CTBP2: variants seen among roughly 807,000 people sequenced by gnomAD.
CTBP2 encodes the protein C-terminal-binding protein 2.
In CTBP2, 30 loss-of-function variants were observed where a neutral mutation model predicts 80.3. The observed-to-expected ratio is 0.37, with a 90% CI of 0.28 to 0.51. The LOEUF (loss-of-function observed/expected upper bound fraction) is 0.51, where lower values mean the gene tolerates loss of function less well. Ranked by LOEUF, CTBP2 falls within the 20% of genes least tolerant of loss-of-function variation. CTBP2 has a pLI of 0.93. For synonymous variants in CTBP2, 594 were observed against 587.4 expected, an observed-to-expected ratio of 1.01 and a Z score of -0.16; for missense variants, 1,212 against 1,375.3, an observed-to-expected ratio of 0.88 and a Z score of 1.88.
chr10:124,992,262 G>GTCTCACT (rs1952769149), intron 8 of CTBP2, among the ~76,000 whole-genome samples: 1 of 114,442 alleles, frequency 8.7e-6, no homozygotes, highest in African/African-American at 3.3e-5. Context: ...TAGCAGCATT[G>GTCTCACT]TCTCACTCTG....
rs751997004 is a variant in CTBP2, at chr10:124,985,377, C to T, written c.*4141G>A. 1 of 165,484 alleles carries T rather than the reference C, an allele frequency of 6.0e-6. No individual in the cohort carries two copies. 10.3% of individuals were successfully genotyped at this position (165,484 alleles called of 1,614,324 possible). Reference sequence around the variant, plus strand: ...ATGGGCACTTAGAAAAAGCACATGGCAAATGGCTCTTTGTTCCTTTCAGAT... The same window carrying T: ...ATGGGCACTTAGAAAAAGCACATGGTAAATGGCTCTTTGTTCCTTTCAGAT... On this transcript the variant is annotated 3_prime_UTR_variant, in exon 9 of 9. Coordinates refer to ENST00000309035, the MANE Select transcript of CTBP2 (RefSeq NM_022802.3).
Position 125,025,856 on chromosome 10 carries a change from C to G in CTBP2, c.1678+226G>C, listed in dbSNP as rs376445837. ...CATCAACCCGACCTCAACTAAAGAA[C>G]AGGAGGGCACTGCTGCCCCAGCAGA... On this transcript the variant is annotated intron_variant, in intron 1 of 8. Coordinates refer to ENST00000309035, the MANE Select transcript of CTBP2 (RefSeq NM_022802.3). Among the ~76,000 whole-genome samples, 6 of 152,338 alleles carry G rather than the reference C, an allele frequency of 3.9e-5. No homozygotes were observed. The South Asian group carries it at 6.2e-4, about 16-fold the overall frequency.
chr10:125,015,080 C>T (rs995332719), intron 1 of CTBP2, among the ~76,000 whole-genome samples: 2 of 152,210 alleles, frequency 1.3e-5, no homozygotes, highest in African/African-American at 2.4e-5. Flanking sequence ...CTCCACGTTC[C>T]TCGACATTAG....
intron 1 of CTBP2, among the ~76,000 whole-genome samples, chr10:125,126,117 G>A (rs147366166): frequency 6.6e-6 from 1 of 152,306 alleles, no homozygotes; most frequent in East Asian, 1.9e-4. Context: ...GTGCAGCGGT[G>A]GCCTGGGAGA....
upstream of CTBP2, chr10:125,161,007 C>T (rs1174596915): frequency 6.8e-6 from 1 of 146,220 alleles, no homozygotes; most frequent in Non-Finnish European, 1.5e-5. Flanking sequence ...GCTGGCTGCG[C>T]AGGAGCTAGG....
intron 2 of CTBP2, among the ~76,000 whole-genome samples, chr10:125,051,465 C>A (rs939673448): frequency 6.6e-6 from 1 of 152,132 alleles, no homozygotes; most frequent in African/African-American, 2.4e-5. Flanking sequence ...CATGGCAAAA[C>A]CCCATCTCTA....
upstream of CTBP2, among the ~76,000 whole-genome samples, chr10:125,028,902 G>A (rs899700749): frequency 4.6e-5 from 7 of 152,204 alleles, no homozygotes; most frequent in African/African-American, 1.7e-4. Flanking sequence ...ATAATGCAAA[G>A]AACAGCAGTT....
At chr10:125,147,079 G>T (rs529788115) in intron 1 of CTBP2, among the ~76,000 whole-genome samples, 1 of 152,198 alleles carries the variant, frequency 6.6e-6, no homozygotes, top group Non-Finnish European at 1.5e-5. Flanking sequence ...TCACTGACCG[G>T]CAAACGCACC....
At position 125,027,955 on chromosome 10, in the gene CTBP2, C is replaced by CA; in HGVS notation, c.-197dup. The CA allele has an allele frequency of 1.4e-6, 2 of 1,394,714 alleles. No homozygotes were observed. Among genetic ancestry groups the CA allele is most frequent in the Non-Finnish European group, 9.3e-7 (1 of 1,075,492 alleles). The allele number at this position is 1,394,714 out of a possible 1,614,324, so 86.4% of individuals were successfully genotyped here. On this transcript the variant is annotated 5_prime_UTR_variant, in exon 1 of 9. Coordinates refer to ENST00000309035, the MANE Select transcript of CTBP2 (RefSeq NM_022802.3). ...ACCTTAGCAGACAAAACATAAGACT[C>CA]ACGGTAACTTTGCCTCACTCCCCAA...
chr10:124,991,634 A>G (rs1375548026), intron 8 of CTBP2, among the ~76,000 whole-genome samples: 4 of 152,110 alleles, frequency 2.6e-5, no homozygotes, highest in Admixed American at 2.0e-4. Context: ...ATTCTCAATC[A>G]TCATGAGTGG....
upstream of CTBP2, among the ~76,000 whole-genome samples, chr10:125,030,092 G>GT (rs1380667092): frequency 6.6e-6 from 1 of 151,820 alleles, no homozygotes; most frequent in East Asian, 1.9e-4. Context: ...CCTGCGCTAG[G>GT]TAAAAACACC....
intron 7 of CTBP2, among the ~76,000 whole-genome samples, 179 bp downstream of exon 9, chr10:124,993,023 G>T (rs950517351): frequency 2.0e-5 from 3 of 152,190 alleles, no homozygotes; most frequent in African/African-American, 7.2e-5. Context: ...AAAGGGAATG[G>T]TTCCCTCTGT....
intron 1 of CTBP2, among the ~76,000 whole-genome samples, chr10:125,131,082 T>C (rs1368466882): frequency 6.6e-6 from 1 of 152,126 alleles, no homozygotes; most frequent in Non-Finnish European, 1.5e-5. Flanking sequence ...GCAGATGAGA[T>C]GGCAGGGAAG....
intron 2 of CTBP2, among the ~76,000 whole-genome samples, chr10:125,092,831 T>C (rs768567011): frequency 1.3e-5 from 2 of 152,116 alleles, no homozygotes; most frequent in Non-Finnish European, 2.9e-5. Flanking sequence ...CATGCCCAGT[T>C]ACCACATGAG....
intron 2 of CTBP2, among the ~76,000 whole-genome samples, chr10:125,084,329 C>A (rs3889986): frequency 0.064 from 9,702 of 152,204 alleles, 699 homozygotes; most frequent in East Asian, 0.3. Context: ...AGAAGCTGCA[C>A]GGAGAACGGT....
chr10:124,992,988 C>A (rs1166626763), intron 7 of CTBP2, among the ~76,000 whole-genome samples, 176 bp from the exon 10 acceptor site: 1 of 152,194 alleles, frequency 6.6e-6, no homozygotes, highest in African/African-American at 2.4e-5. Flanking sequence ...GCCCCCCGAC[C>A]CCCGAGTTTA....
At chr10:125,101,430 G>T (rs775554093) in intron 2 of CTBP2, among the ~76,000 whole-genome samples, 1 of 152,204 alleles carries the variant, frequency 6.6e-6, no homozygotes, top group Non-Finnish European at 1.5e-5. Flanking sequence ...GCATAGGAGC[G>T]GGTGCAGCAG....
intron 1 of CTBP2, among the ~76,000 whole-genome samples, chr10:125,025,203 C>T (rs771734399): frequency 2.0e-4 from 30 of 151,868 alleles, no homozygotes; most frequent in Non-Finnish European, 4.0e-4. Flanking sequence ...GGGAGGCTGG[C>T]GGGGAGGAAA....
At chr10:125,029,495 G>C (rs1170469125), upstream of CTBP2, among the ~76,000 whole-genome samples, 1 of 152,014 alleles carries the variant, frequency 6.6e-6, no homozygotes. Flanking sequence ...CCTGACCTCA[G>C]GTGATCCACC....
Sources: gnomAD v4.1 joint callset for allele counts (sites outside exome capture counted in the v4.1 genomes callset) on GRCh38, gnomAD v4.1.1 for gene constraint, MANE v1.5 for transcripts, NCBI Gene and HGNC (gene_info 2026-07-23, HGNC 2026-07-21) for gene names.